The following ANKRD13A variants were observed in gnomAD, a reference collection of about 807,000 sequenced individuals.
The protein encoded by ANKRD13A is ankyrin repeat domain-containing protein 13A.
A neutral mutation model predicts 81.3 loss-of-function variants in ANKRD13A; 48 were observed. The ratio of observed to expected loss-of-function variants is 0.59; its 90% CI spans 0.47 to 0.75. ANKRD13A has a LOEUF of 0.75. Among genes scored for constraint, ANKRD13A ranks in the 30% least tolerant of loss-of-function variants. ANKRD13A has a pLI of 0.00. For missense variants in ANKRD13A, 612 were observed against 734.0 expected (o/e 0.83, Z 1.92); for synonymous variants, 230 against 270.1 (o/e 0.85, Z 1.45).
intron 3 of ANKRD13A, among the ~76,000 whole-genome samples, chr12:110,014,807 G>A (rs1233330394): frequency 1.4e-4 from 15 of 105,072 alleles, no homozygotes; most frequent in Non-Finnish European, 5.1e-5. Context: ...TTTTTGAGAC[G>A]GAATCTCGCT....
Position 110,018,749 on chromosome 12 carries a change from C to A in ANKRD13A, c.544+261C>A, listed in dbSNP as rs1890921572. ...ACTTTCCTGAGCCTTTGAGCACAGG[C>A]CTTCTGTGTGTATCTCTGTATAACC... On this transcript the variant is annotated intron_variant, in intron 5 of 14. Transcript: ENST00000261739. This position sits in a 1 kb window ranked among gnomAD's most constrained non-coding sequence, Gnocchi z 4.4. 6.6e-6 allele frequency among the ~76,000 whole-genome samples: 1 copy of A among 152,184 alleles called. No individual in the cohort carries two copies. Among genetic ancestry groups the A allele is most frequent in the African/African-American group, 2.4e-5 (1 of 41,432 alleles).
chr12:110,001,432 GTTTCTTTTTTTTTTTT>G (rs1285100524), intron 1 of ANKRD13A, among the ~76,000 whole-genome samples: 1 of 147,120 alleles, frequency 6.8e-6, no homozygotes, highest in Non-Finnish European at 1.5e-5. Flanking sequence ...TTTCTTTTCT[GTTTCTTTTTTTTTTTT>G]TTTCTTTTTG....
chr12:110,033,987 G>C, intron 13 of ANKRD13A, 30 bp downstream of exon 13: 1 of 1,575,400 alleles, frequency 6.3e-7, no homozygotes, highest in Non-Finnish European at 8.6e-7. Flanking sequence ...CTAATGGCAG[G>C]GCGTGGGAGG....
Position 110,037,893 on chromosome 12 carries a change from C to A in ANKRD13A, c.*339C>A. 2 of 186,120 alleles carry A rather than the reference C, an allele frequency of 1.1e-5. No homozygotes were observed. Among genetic ancestry groups the A allele is most frequent in the Non-Finnish European group, 1.1e-5 (1 of 89,058 alleles). 11.5% of individuals were successfully genotyped at this position (186,120 alleles called of 1,614,324 possible). On this transcript the variant is annotated 3_prime_UTR_variant, in exon 15 of 15. Transcript: ENST00000261739. ...CGCAGGTTTGTAGATAAATTTTTAT[C>A]AAGGAGTGATAACAAGACAAGTTAT... is the stretch of plus-strand genomic sequence containing the variant.
chr12:110,024,869 A>G (rs1414348657), intron 7 of ANKRD13A, among the ~76,000 whole-genome samples: 9 of 152,390 alleles, frequency 5.9e-5, no homozygotes, highest in Admixed American at 2.0e-4. Flanking sequence ...CTAGACCACC[A>G]TATTCCCCAG....
chr12:110,024,720 A>G (rs182976848), intron 7 of ANKRD13A, among the ~76,000 whole-genome samples: 265 of 152,334 alleles, frequency 1.7e-3, no homozygotes, highest in African/African-American at 6.1e-3. Context: ...GTGAGCAAAG[A>G]AAGGCTTACG....
At chr12:110,021,375 G>A (rs1173297833) in intron 6 of ANKRD13A, 1 of 171,718 alleles carries the variant, frequency 5.8e-6, no homozygotes, top group African/African-American at 2.4e-5. Flanking sequence ...GAATTTGGAA[G>A]GTGTGGCCTT....
chr12:110,023,010 G>A (rs913583675), intron 6 of ANKRD13A, among the ~76,000 whole-genome samples: 3 of 152,200 alleles, frequency 2.0e-5, no homozygotes, highest in Non-Finnish European at 4.4e-5. Flanking sequence ...AATCCCATTA[G>A]AAGAAAAGCA....
At chr12:110,010,122 C>G (rs1890439025) in intron 1 of ANKRD13A, among the ~76,000 whole-genome samples, 1 of 152,256 alleles carries the variant, frequency 6.6e-6, no homozygotes, top group African/African-American at 2.4e-5. Flanking sequence ...CCACCTCGGC[C>G]TCCCGAAGTG....
Position 110,001,686 on chromosome 12 carries a change from C to T in ANKRD13A, c.96+1902C>T, listed in dbSNP as rs556110822. ...CCGCCCACCTCTACCTCCCAAAGTG[C>T]TGGGATTACAGGCATGAGCCACTGT... On this transcript the variant is annotated intron_variant, in intron 1 of 14. Coordinates refer to ENST00000261739, the MANE Select transcript of ANKRD13A (RefSeq NM_033121.2). 3.3e-5 allele frequency among the ~76,000 whole-genome samples: 5 copies of T among 152,254 alleles called. No homozygotes were observed. In the South Asian group the frequency reaches 1.0e-3, roughly 32 times the overall value.
chr12:110,002,650 C>T (rs926109489), intron 1 of ANKRD13A, among the ~76,000 whole-genome samples: 1 of 152,072 alleles, frequency 6.6e-6, no homozygotes, highest in African/African-American at 2.4e-5. Flanking sequence ...TTCTTATCAC[C>T]CCAGCAATAA....
intron 11 of ANKRD13A, among the ~76,000 whole-genome samples, chr12:110,030,032 C>T (rs1476135877): frequency 6.6e-6 from 1 of 152,088 alleles, no homozygotes; most frequent in Non-Finnish European, 1.5e-5. Flanking sequence ...AGCTAGTATG[C>T]ATAATGCTAT....
In ANKRD13A at chr12:110,038,089, T is replaced by C. The variant is rs1475937143; in HGVS notation, c.*535T>C. On this transcript the variant is annotated 3_prime_UTR_variant, in exon 15 of 15. Transcript: ENST00000261739. ...TCTAGGACATTGTCATTATTCTTCCTCCATCTATCTGATTCCATTCCTTCC... is the reference window on the plus strand; with the variant it reads ...TCTAGGACATTGTCATTATTCTTCCCCCATCTATCTGATTCCATTCCTTCC... The C allele has an allele frequency of 6.6e-6, 1 of 152,652 alleles. No individual in the cohort carries two copies. The highest frequency in any genetic ancestry group is 1.5e-5 in the Non-Finnish European group (1 of 68,162). 9.5% of individuals were successfully genotyped at this position (152,652 alleles called of 1,614,324 possible). A position where few individuals can be genotyped will look rare whatever the true frequency, so the allele number is the denominator to read the frequency against.
intron 10 of ANKRD13A, 146 bp downstream of exon 10, chr12:110,028,788 A>G: frequency 2.6e-6 from 3 of 1,156,038 alleles, no homozygotes; most frequent in Non-Finnish European, 3.6e-6. Context: ...CCTAGGCTGG[A>G]GTGCAGTGGC....
intron 1 of ANKRD13A, among the ~76,000 whole-genome samples, chr12:110,010,659 G>C (rs1159556661): frequency 6.6e-6 from 1 of 152,206 alleles, no homozygotes; most frequent in East Asian, 1.9e-4. Flanking sequence ...TGAGGCCTGG[G>C]ATTGGTCCAG....
chr12:110,007,132 C>T (rs534536430), intron 1 of ANKRD13A, among the ~76,000 whole-genome samples: 138 of 152,208 alleles, frequency 9.1e-4, no homozygotes, highest in African/African-American at 3.2e-3. Flanking sequence ...AATTGGCAAG[C>T]GTGAAATGTG....
chr12:110,019,373 C>A, intron 6 of ANKRD13A, 45 bp downstream of exon 6: 2 of 1,512,956 alleles, frequency 1.3e-6, no homozygotes, highest in Admixed American at 2.0e-5. Flanking sequence ...CCCCATGCTG[C>A]CATCTTGAGT....
chr12:110,019,385 A>G (rs1204423363), intron 6 of ANKRD13A, 57 bp downstream of exon 6: 2 of 1,464,358 alleles, frequency 1.4e-6, no homozygotes, highest in East Asian at 2.3e-5. Flanking sequence ...ATCTTGAGTG[A>G]CATGTATGTA....
intron 1 of ANKRD13A, among the ~76,000 whole-genome samples, chr12:110,000,358 T>C (rs1322373636): frequency 6.6e-6 from 1 of 152,170 alleles, no homozygotes; most frequent in African/African-American, 2.4e-5. Context: ...TTGATAGGTC[T>C]GGGGTGAGGT....
Sources: allele counts gnomAD v4.1 joint callset (sites outside exome capture counted in the v4.1 genomes callset), GRCh38; gene constraint gnomAD v4.1.1; non-coding constraint Gnocchi (gnomAD v3.1); transcripts MANE v1.5; gene names NCBI Gene and HGNC (gene_info 2026-07-23, HGNC 2026-07-21).